Variants in ACTL10 observed in about 807,000 individuals in gnomAD.
ACTL10 encodes the protein actin like 10.
For synonymous variants in ACTL10, 180 were observed against 169.9 expected (o/e 1.06, Z -0.46); for missense variants, 413 against 359.4 (o/e 1.15, Z -1.21).
In ACTL10 at chr20:33,666,984, G is replaced by T. The variant is rs1239618995; in HGVS notation, c.-514G>T. On this transcript the variant is annotated 5_prime_UTR_variant, in exon 1 of 1. Transcript: ENST00000677665. ...GGAGGCAGAGCCAAAGGCTGAAGGG[G>T]ACTACTCCCTAGGACAGAGGCCGGG... 2 of 154,598 alleles carry T rather than the reference G, an allele frequency of 1.3e-5. No individual in the cohort carries two copies. The highest frequency in any genetic ancestry group is 4.8e-5 in the African/African-American group (2 of 41,548). 9.6% of individuals were successfully genotyped at this position (154,598 alleles called of 1,614,324 possible). A position where few individuals can be genotyped will look rare whatever the true frequency, so the allele number is the denominator to read the frequency against.
chr20:33,667,459 G>C lies in ACTL10; in HGVS notation c.-39G>C. ...GCCCGCGGGCCGCGAAAGGGTGGCG[G>C]AGCTGCTGTTCGAGACCCTGGCAGT... On this transcript the variant is annotated 5_prime_UTR_variant, in exon 1 of 1. Transcript: ENST00000677665. 7.0e-7 allele frequency: 1 copy of C among 1,431,152 alleles called. No homozygotes were observed. Among genetic ancestry groups the C allele is most frequent in the Non-Finnish European group, 9.1e-7 (1 of 1,099,470 alleles). The allele number at this position is 1,431,152 out of a possible 1,614,324, so 88.7% of individuals were successfully genotyped here.
Sources: allele counts gnomAD v4.1 joint callset, GRCh38; gene constraint gnomAD v4.1.1; transcripts MANE v1.5; gene names NCBI Gene and HGNC (gene_info 2026-07-23, HGNC 2026-07-21).